Variants in EFR3B observed in about 807,000 individuals in gnomAD.
EFR3B encodes protein EFR3 homolog B.
EFR3B carries 64 observed loss-of-function variants against 104.7 expected under a neutral mutation model. The observed-to-expected ratio is 0.61, with a 90% CI of 0.50 to 0.75. EFR3B has a LOEUF of 0.75. Ranked by LOEUF, EFR3B falls within the 30% of genes least tolerant of loss-of-function variation. EFR3B has a pLI of 0.00. For synonymous variants in EFR3B, 385 were observed against 417.9 expected, an observed-to-expected ratio of 0.92 and a Z score of 0.96; for missense variants, 750 against 1,078.5, an observed-to-expected ratio of 0.70 and a Z score of 4.27.
intron 5 of EFR3B, among the ~76,000 whole-genome samples, chr2:25,122,107 C>T (rs1327146248): frequency 6.6e-6 from 1 of 152,052 alleles, no homozygotes; most frequent in African/African-American, 2.4e-5. Flanking sequence ...GCTGGGATTA[C>T]AGATGTGCAC....
chr2:25,058,854 A>T (rs901693402), intron 1 of EFR3B, among the ~76,000 whole-genome samples: 1 of 151,608 alleles, frequency 6.6e-6, no homozygotes, highest in African/African-American at 2.4e-5. Context: ...AGTGGGAAAA[A>T]ATGGTGCAGC....
intron 1 of EFR3B, among the ~76,000 whole-genome samples, chr2:25,047,778 G>A (rs908063181): frequency 2.6e-5 from 4 of 152,124 alleles, no homozygotes; most frequent in African/African-American, 9.7e-5. Context: ...GGGATTACAG[G>A]TGTGAGCCAC....
chr2:25,150,632 A>G (rs1670977952), intron 20 of EFR3B, among the ~76,000 whole-genome samples: 3 of 145,910 alleles, frequency 2.1e-5, no homozygotes, highest in Non-Finnish European at 4.5e-5. Flanking sequence ...TTTTTCTGAG[A>G]CAGAGTCTCG....
At chr2:25,079,793 CA>C in intron 1 of EFR3B, 1 of 667,476 alleles carries the variant, frequency 1.5e-6, no homozygotes, top group South Asian at 1.4e-5. Flanking sequence ...TGTATACCTA[CA>C]TGGCAATTAC....
At position 25,068,166 on chromosome 2, in the gene EFR3B, G is replaced by A. The variant is rs551700905; in HGVS notation, c.8-23159G>A. ...CTCACCCCTGGTTCTCCTGGACTGG[G>A]TGTGTAAGGTCAGGGCTGATGTGTG... On this transcript the variant is annotated intron_variant, in intron 1 of 22. Transcript: ENST00000403714. Among the ~76,000 whole-genome samples, 76 of 152,290 alleles carry A rather than the reference G, an allele frequency of 5.0e-4. 1 individual carries two copies. In the South Asian group the frequency reaches 0.015, roughly 30 times the overall value.
Position 25,157,617 on chromosome 2 carries a change from G to C in EFR3B, c.*3277G>C, listed in dbSNP as rs1008050485. 1 of 152,280 alleles carries C rather than the reference G, an allele frequency of 6.6e-6. No individual in the cohort carries two copies. The highest frequency in any genetic ancestry group is 2.4e-5 in the African/African-American group (1 of 41,454). The allele number at this position is 152,280 out of a possible 1,614,324, so 9.4% of individuals were successfully genotyped here. ...GTGGGGAAGGGCTAGCATTGGTCAG[G>C]ACTCTGCTGACAGCACTGAGTAGGC... is the stretch of plus-strand genomic sequence containing the variant. On this transcript the variant is annotated 3_prime_UTR_variant, in exon 23 of 23. Transcript: ENST00000403714.
chr2:25,048,964 T>C (rs1303634249), intron 1 of EFR3B, among the ~76,000 whole-genome samples: 1 of 152,156 alleles, frequency 6.6e-6, no homozygotes, highest in African/African-American at 2.4e-5. Context: ...TAGTTACATA[T>C]TGTCCAATTG....
At chr2:25,143,935 G>T in intron 18 of EFR3B, 73 bp downstream of exon 18, 1 of 1,503,844 alleles carries the variant, frequency 6.6e-7, no homozygotes, top group Non-Finnish European at 8.9e-7. Flanking sequence ...TGAGCATAAG[G>T]GACTTATAGC....
chr2:25,095,687 C>A (rs373057290), intron 3 of EFR3B, among the ~76,000 whole-genome samples: 11 of 152,108 alleles, frequency 7.2e-5, no homozygotes, highest in African/African-American at 2.7e-4. Flanking sequence ...CAGAGCGAGA[C>A]CCTGTCTCAA....
chr2:25,131,864 A>T lies in EFR3B; in HGVS notation c.1100A>T (p.Lys367Met), dbSNP rs1377843562. Reference protein sequence around the residue: ...GAVSLGTKIIKEHEERMFQEA... With the variant: ...GAVSLGTKIIMEHEERMFQEA... ...GTCAGCCTCGGCACCAAGATCATCA[A>T]GGAGCACGAGGAGCGCATGTTCCAG... The change falls in exon 10 of 23, where the codon AAG becomes ATG. Residue 367 changes from lysine to methionine, a missense_variant. By Grantham distance (95) the Lys-to-Met change is moderately conservative (BLOSUM62 -1). Coordinates refer to ENST00000403714, the MANE Select transcript of EFR3B (RefSeq NM_014971.2). The surrounding 1 kb of genome is among the most constrained non-coding windows in gnomAD (Gnocchi z 7.6). 1 of 1,546,860 alleles carries T rather than the reference A, an allele frequency of 6.5e-7. No homozygotes were observed. Among genetic ancestry groups the T allele is most frequent in the African/African-American group, 1.4e-5 (1 of 72,674 alleles).
intron 22 of EFR3B, 78 bp downstream of exon 22, chr2:25,153,839 C>T: frequency 4.3e-6 from 6 of 1,398,676 alleles, no homozygotes; most frequent in Non-Finnish European, 5.0e-6. Context: ...TCCTCTCACC[C>T]CTGTCTTCTC....
chr2:25,074,783 A>AT (rs1165094664), intron 1 of EFR3B, among the ~76,000 whole-genome samples: 1 of 151,588 alleles, frequency 6.6e-6, no homozygotes, highest in Non-Finnish European at 1.5e-5. Flanking sequence ...CATTAGGCTA[A>AT]TTTTTGTATT....
intron 20 of EFR3B, among the ~76,000 whole-genome samples, chr2:25,151,045 C>T (rs1216910758): frequency 6.7e-6 from 1 of 150,324 alleles, no homozygotes; most frequent in African/African-American, 2.5e-5. Context: ...CATAGTGAGA[C>T]CTCATCTCTA....
At chr2:25,044,716 G>A (rs1333491400) in intron 1 of EFR3B, among the ~76,000 whole-genome samples, 1 of 152,136 alleles carries the variant, frequency 6.6e-6, no homozygotes, top group Non-Finnish European at 1.5e-5. Context: ...TTTAGGTAAA[G>A]GTGTACCTTG....
Position 25,042,940 on chromosome 2 carries a change from C to T in EFR3B, c.7+621C>T, listed in dbSNP as rs908570906. 1.3e-5 allele frequency among the ~76,000 whole-genome samples: 2 copies of T among 152,182 alleles called. No homozygotes were observed. Among genetic ancestry groups the T allele is most frequent in the Non-Finnish European group, 2.9e-5 (2 of 68,036 alleles). ...GCTGCTGAGAGGGTGCAGCACAGCC[C>T]TGACCTCTCCCCGCCTCCACCGCCA... On this transcript the variant is annotated intron_variant, in intron 1 of 22. Coordinates refer to ENST00000403714, the MANE Select transcript of EFR3B (RefSeq NM_014971.2). The surrounding 1 kb of genome is among the most constrained non-coding windows in gnomAD (Gnocchi z 5.4).
At chr2:25,108,305 G>A (rs1182739619) in intron 4 of EFR3B, among the ~76,000 whole-genome samples, 1 of 152,122 alleles carries the variant, frequency 6.6e-6, no homozygotes, top group African/African-American at 2.4e-5. Context: ...CCAGATGCAT[G>A]TCTTGGGTCC....
At position 25,156,610 on chromosome 2, in the gene EFR3B, T is replaced by TA. The variant is rs1431607443; in HGVS notation, c.*2270_*2271insA. The stretch of plus-strand genomic sequence containing the variant: ...CTGCGCCTGCTTGGCACGTGGCTTC[T>TA]GAATGGCCTGAGTGAGGGCAGGGCC... On this transcript the variant is annotated 3_prime_UTR_variant, in exon 23 of 23. Coordinates refer to ENST00000403714, the MANE Select transcript of EFR3B (RefSeq NM_014971.2). 1 of 152,298 alleles carries TA rather than the reference T, an allele frequency of 6.6e-6. No individual in the cohort carries two copies. Among genetic ancestry groups the TA allele is most frequent in the East Asian group, 1.9e-4 (1 of 5,190 alleles). The allele number at this position is 152,298 out of a possible 1,614,324, so 9.4% of individuals were successfully genotyped here. A position where few individuals can be genotyped will look rare whatever the true frequency, so the allele number is the denominator to read the frequency against.
At chr2:25,077,112 C>T (rs909760912) in intron 1 of EFR3B, among the ~76,000 whole-genome samples, 2 of 152,190 alleles carry the variant, frequency 1.3e-5, no homozygotes, top group African/African-American at 2.4e-5. Context: ...TGTTTGATTT[C>T]CTTAGCACCA....
In EFR3B at chr2:25,103,661, T is replaced by C; in HGVS notation, c.237T>C (p.Ala79=). 1 of 1,551,568 alleles carries C rather than the reference T, an allele frequency of 6.4e-7. No homozygotes were observed. Among genetic ancestry groups the C allele is most frequent in the Non-Finnish European group, 8.7e-7 (1 of 1,146,888 alleles). Reference sequence around the variant, plus strand: ...GGTACGTGTGCATTGCTATGGAGGCTTTGGACCAGCTGCTCATGGCCTGCC... The same window carrying C: ...GGTACGTGTGCATTGCTATGGAGGCCTTGGACCAGCTGCTCATGGCCTGCC... ...RYGYVCIAME[A]LDQLLMACHC... The change falls in exon 4 of 23, where the codon GCT becomes GCC. Residue 79 remains alanine (A), a synonymous_variant. Coordinates refer to ENST00000403714, the MANE Select transcript of EFR3B (RefSeq NM_014971.2).
Sources: gnomAD v4.1 joint callset for allele counts (sites outside exome capture counted in the v4.1 genomes callset) on GRCh38, gnomAD v4.1.1 for gene constraint, Gnocchi (gnomAD v3.1) non-coding constraint, MANE v1.5 for transcripts, NCBI Gene and HGNC (gene_info 2026-07-23, HGNC 2026-07-21) for gene names.